Variants in PITPNM2 observed in about 807,000 individuals in gnomAD.
PITPNM2 encodes membrane-associated phosphatidylinositol transfer protein 2.
In PITPNM2, 35 loss-of-function variants were observed where a neutral mutation model predicts 132.2. That is an observed-to-expected ratio of 0.26 (90% CI 0.20 to 0.35). The LOEUF is 0.35. PITPNM2 is among the 10% of genes least tolerant of loss of function. The pLI is 1.00. For missense variants in PITPNM2, 1,332 were observed against 1,912.0 expected (o/e 0.70, Z 5.66); for synonymous variants, 738 against 799.2 (o/e 0.92, Z 1.29).
chr12:123,123,262 G>A (rs2043066875), intron 1 of PITPNM2, among the ~76,000 whole-genome samples: 1 of 152,186 alleles, frequency 6.6e-6, no homozygotes, highest in Non-Finnish European at 1.5e-5. Context: ...TATGTATTGT[G>A]AAGTCAAAAA....
At chr12:123,114,776 T>C (rs2042904032) in intron 1 of PITPNM2, among the ~76,000 whole-genome samples, 1 of 152,194 alleles carries the variant, frequency 6.6e-6, no homozygotes. Flanking sequence ...GTCGATGAGC[T>C]AAAGAAAGCA....
chr12:123,000,948 A>AT lies in PITPNM2; in HGVS notation c.1154-101_1154-100insA. 6.5e-7 allele frequency: 1 copy of AT among 1,540,308 alleles called. No individual in the cohort carries two copies. The highest frequency in any genetic ancestry group is 9.0e-7 in the Non-Finnish European group (1 of 1,114,340). On this transcript the variant is annotated intron_variant, in intron 9 of 25. Coordinates refer to ENST00000320201, the MANE Select transcript of PITPNM2 (RefSeq NM_020845.3). This position sits in a 1 kb window ranked among gnomAD's most constrained non-coding sequence, Gnocchi z 5.4. ...TGACGAGGGGAGCTTGGGGGTCCCCAACTCACATGTATGCCCAGCACTGTG... is the reference window on the plus strand; with the variant it reads ...TGACGAGGGGAGCTTGGGGGTCCCCATACTCACATGTATGCCCAGCACTGTG...
At position 122,992,075 on chromosome 12, in the gene PITPNM2, A is replaced by T. The variant is rs1330365745; in HGVS notation, c.2404+424T>A. On this transcript the variant is annotated intron_variant, in intron 16 of 25. Coordinates refer to ENST00000320201, the MANE Select transcript of PITPNM2 (RefSeq NM_020845.3). This position sits in a 1 kb window ranked among gnomAD's most constrained non-coding sequence, Gnocchi z 6.5. ...ACCTGGACCTCCCCTGCCCCAACGC[A>T]TCTCCTGCACCCTATCTCGGGGCCA... Among the ~76,000 whole-genome samples, 4 of 151,642 alleles carry T rather than the reference A, an allele frequency of 2.6e-5. No homozygotes were observed. The highest frequency in any genetic ancestry group is 4.4e-5 in the Non-Finnish European group (3 of 67,890).
chr12:123,093,500 A>C (rs933643193), intron 2 of PITPNM2, among the ~76,000 whole-genome samples: 2 of 151,670 alleles, frequency 1.3e-5, no homozygotes, highest in Admixed American at 1.3e-4. Context: ...ACACACACAC[A>C]CCTTGAAATA....
chr12:123,074,239 A>C (rs1042170764), intron 2 of PITPNM2, among the ~76,000 whole-genome samples: 1 of 152,218 alleles, frequency 6.6e-6, no homozygotes, highest in Non-Finnish European at 1.5e-5. Context: ...ATCAGATGAG[A>C]CTTGGGAAAG....
chr12:122,997,481 G>C lies in PITPNM2; in HGVS notation c.1316C>G (p.Ala439Gly). Reference protein sequence around the residue: ...LHGGTILDTGAGDPSSKKGDA... With the variant: ...LHGGTILDTGGGDPSSKKGDA... ...GCCCTTCTTGGAGCTGGGGTCCCCG[G>C]CGCCTGTGTCCAGGATGGTGCCTCC... The change falls in exon 11 of 26, where the codon GCC becomes GGC. Residue 439 changes from alanine to glycine, a missense_variant. Transcript: ENST00000320201. 6.2e-7 allele frequency: 1 copy of C among 1,613,550 alleles called. No individual in the cohort carries two copies. The highest frequency in any genetic ancestry group is 8.5e-7 in the Non-Finnish European group (1 of 1,180,018).
rs2043729144 is a variant in PITPNM2, at chr12:123,150,891, GGCCCCGGGCGAGCGGCAGA to G, written c.-357_-339del. Reference sequence around the variant, plus strand: ...GCCCCGCGCGCCCCCGCCGCCTGCTGGCCCCGGGCGAGCGGCAGAGCCCCGGCGGGCATTGCTCCCGAGC... The same window carrying G: ...GCCCCGCGCGCCCCCGCCGCCTGCTGGCCCCGGCGGGCATTGCTCCCGAGC... On this transcript the variant is annotated 5_prime_UTR_variant, in exon 1 of 26. It introduces an in-frame stop codon into an upstream open reading frame of the 5' UTR. Transcript: ENST00000320201. This position sits in a 1 kb window ranked among gnomAD's most constrained non-coding sequence, Gnocchi z 6.0. 6.9e-6 allele frequency among the ~76,000 whole-genome samples: 1 copy of G among 145,810 alleles called. No individual in the cohort carries two copies. Among genetic ancestry groups the G allele is most frequent in the South Asian group, 2.1e-4 (1 of 4,806 alleles).
At position 123,034,634 on chromosome 12, in the gene PITPNM2, G is replaced by T; in HGVS notation, c.-44C>A. 6.4e-7 allele frequency: 1 copy of T among 1,561,242 alleles called. No homozygotes were observed. Among genetic ancestry groups the T allele is most frequent in the South Asian group, 1.1e-5 (1 of 90,092 alleles). On this transcript the variant is annotated 5_prime_UTR_variant, in exon 3 of 26. Transcript: ENST00000320201. ...CCGTCGATGGGGAACTGCAAGTTGG[G>T]ACTTCTAGGCAAGGTTCCTTAAATA... is the stretch of plus-strand genomic sequence containing the variant.
In PITPNM2 at chr12:123,060,602, C is replaced by T. The variant is rs1055924402; in HGVS notation, c.-95-25917G>A. 4.6e-5 allele frequency among the ~76,000 whole-genome samples: 7 copies of T among 152,300 alleles called. No homozygotes were observed. The East Asian group carries it at 5.8e-4, about 13-fold the overall frequency. On this transcript the variant is annotated intron_variant, in intron 2 of 25. Coordinates refer to ENST00000320201, the MANE Select transcript of PITPNM2 (RefSeq NM_020845.3). ...GACTCTCCCACCACAAATAAACAAG[C>T]GATTCTGTCAACAAAAGAGCCAGAA... is the stretch of plus-strand genomic sequence containing the variant.
At chr12:123,142,869 T>C (rs1238700271) in intron 1 of PITPNM2, among the ~76,000 whole-genome samples, 1 of 125,102 alleles carries the variant, frequency 8.0e-6, no homozygotes, top group Non-Finnish European at 1.8e-5. Context: ...TGTTGAGTTT[T>C]TCTCCCTCTT....
intron 5 of PITPNM2, among the ~76,000 whole-genome samples, 172 bp from the exon 6 acceptor site, chr12:123,010,249 A>T (rs1444443423): frequency 6.6e-6 from 1 of 152,142 alleles, no homozygotes; most frequent in Non-Finnish European, 1.5e-5. Context: ...AATCCCTGAC[A>T]GTGGGGCCTG....
At chr12:123,126,049 T>A (rs2043135035) in intron 1 of PITPNM2, among the ~76,000 whole-genome samples, 2 of 151,116 alleles carry the variant, frequency 1.3e-5, no homozygotes, top group African/African-American at 4.9e-5. Context: ...TTTTGTATTT[T>A]TAGTAGAGAC....
At chr12:123,050,861 A>C (rs2040833901) in intron 2 of PITPNM2, among the ~76,000 whole-genome samples, 1 of 152,222 alleles carries the variant, frequency 6.6e-6, no homozygotes. Flanking sequence ...AGGGAGGGAA[A>C]CAGGGAAGAA....
At chr12:123,142,102 G>T (rs974645343) in intron 1 of PITPNM2, among the ~76,000 whole-genome samples, 2 of 152,164 alleles carry the variant, frequency 1.3e-5, no homozygotes, top group African/African-American at 2.4e-5. Context: ...AAATTGCACC[G>T]GTCAGCAGTC....
chr12:123,098,099 C>A (rs2042458092), intron 2 of PITPNM2, among the ~76,000 whole-genome samples: 1 of 152,200 alleles, frequency 6.6e-6, no homozygotes. Flanking sequence ...AAGCAGGTCA[C>A]CCCCAGCACC....
At chr12:123,020,027 T>C (rs2039605239) in intron 3 of PITPNM2, among the ~76,000 whole-genome samples, 1 of 152,168 alleles carries the variant, frequency 6.6e-6, no homozygotes, top group African/African-American at 2.4e-5. Context: ...TGCCTGGGTG[T>C]AGCCTGCGAG....
chr12:123,145,102 G>A (rs1207971164), intron 1 of PITPNM2, among the ~76,000 whole-genome samples: 1 of 152,126 alleles, frequency 6.6e-6, no homozygotes, highest in Non-Finnish European at 1.5e-5. Flanking sequence ...ATTGGGCCCA[G>A]GAGTTTGAAG....
intron 2 of PITPNM2, among the ~76,000 whole-genome samples, chr12:123,052,322 A>C (rs978533937): frequency 1.2e-4 from 19 of 152,266 alleles, no homozygotes; most frequent in Middle Eastern, 3.4e-3. Context: ...GTGTGGCTTT[A>C]AACAAAATAA....
intron 3 of PITPNM2, among the ~76,000 whole-genome samples, chr12:123,019,901 G>A (rs1217675975): frequency 6.6e-6 from 1 of 152,096 alleles, no homozygotes; most frequent in East Asian, 1.9e-4. Context: ...GGAGCTGGGA[G>A]GTGGGGAGGC....
Sources: allele counts gnomAD v4.1 joint callset (sites outside exome capture counted in the v4.1 genomes callset), GRCh38; gene constraint gnomAD v4.1.1; non-coding constraint Gnocchi (gnomAD v3.1); transcripts MANE v1.5; gene names NCBI Gene and HGNC (gene_info 2026-07-23, HGNC 2026-07-21).